UNC13C: variants seen among roughly 807,000 people sequenced by gnomAD.
UNC13C encodes protein unc-13 homolog C.
Under a neutral mutation model 245.4 loss-of-function variants are expected in UNC13C, and 174 were observed. That is an observed-to-expected ratio of 0.71 (90% confidence interval 0.63 to 0.80). UNC13C has a LOEUF of 0.80. UNC13C is among the 30% of genes least tolerant of loss of function. The pLI is 0.00. For synonymous variants in UNC13C, 992 were observed against 895.1 expected (o/e 1.11, Z -1.93); for missense variants, 2,829 against 2,602.9 (o/e 1.09, Z -1.89).
At position 54,014,509 on chromosome 15, in the gene UNC13C, C is replaced by T. The variant is rs1895544565; in HGVS notation, c.1606C>T (p.His536Tyr). 3 of 1,613,836 alleles carry T rather than the reference C, an allele frequency of 1.9e-6. No individual in the cohort carries two copies. The highest frequency in any genetic ancestry group is 2.5e-6 in the Non-Finnish European group (3 of 1,179,842). Residue 536 changes from histidine to tyrosine, a missense_variant, in exon 2 of 33, where the codon CAC becomes TAC. His to Tyr is a moderately conservative substitution (Grantham distance 83). Transcript: ENST00000260323. ...THYADATPLW[H>Y]SQSDFFTAKL... The stretch of plus-strand genomic sequence containing the variant: ...TTATGCAGATGCAACACCTCTCTGG[C>T]ACTCACAGAGTGATTTTTTCACTGC...
chr15:53,901,409 A>G, the UNC13C span, among the ~76,000 whole-genome samples: 1 of 148,582 alleles, frequency 6.7e-6, no homozygotes, highest in East Asian at 2.0e-4. Flanking sequence ...TTTTTTTTGT[A>G]GAGATGGGGT....
chr15:54,455,376 A>T (rs1891461583), intron 19 of UNC13C, among the ~76,000 whole-genome samples: 1 of 150,970 alleles, frequency 6.6e-6, no homozygotes, highest in Non-Finnish European at 1.5e-5. Flanking sequence ...GTAGATACCC[A>T]GTAGACGGAT....
intron 28 of UNC13C, among the ~76,000 whole-genome samples, chr15:54,553,849 A>G (rs528910319): frequency 6.6e-6 from 1 of 152,074 alleles, no homozygotes; most frequent in South Asian, 2.1e-4. Flanking sequence ...TGATGAAGCC[A>G]GATAAATTTA....
chr15:54,598,860 CG>C (rs1049222280), intron 30 of UNC13C, among the ~76,000 whole-genome samples: 16 of 152,024 alleles, frequency 1.1e-4, no homozygotes, highest in Non-Finnish European at 4.4e-5. Context: ...GGCACAAATA[CG>C]TATTTGACAA....
intron 2 of UNC13C, among the ~76,000 whole-genome samples, chr15:54,080,006 G>GTT (rs3985784): frequency 0.045 from 5,800 of 129,894 alleles, 293 homozygotes; most frequent in East Asian, 0.21. Context: ...TTGTCGAGCG[G>GTT]TTTTTTTTTT....
At chr15:54,186,328 G>A (rs1007059408) in intron 4 of UNC13C, among the ~76,000 whole-genome samples, 2 of 152,120 alleles carry the variant, frequency 1.3e-5, no homozygotes, top group African/African-American at 2.4e-5. Context: ...TGGTGAGAGA[G>A]GGCATCCCTG....
intron 10 of UNC13C, among the ~76,000 whole-genome samples, chr15:54,277,082 A>G (rs1429230373): frequency 6.6e-6 from 1 of 152,118 alleles, no homozygotes; most frequent in African/African-American, 2.4e-5. Flanking sequence ...TTTCTTCCAA[A>G]TAATTCCAAA....
At chr15:54,532,628 C>T (rs1315364557) in intron 25 of UNC13C, among the ~76,000 whole-genome samples, 1 of 151,030 alleles carries the variant, frequency 6.6e-6, no homozygotes, top group Non-Finnish European at 1.5e-5. Flanking sequence ...TTTTCCCAAA[C>T]CGTGCTCAGA....
intron 14 of UNC13C, among the ~76,000 whole-genome samples, chr15:54,327,417 CAT>C (rs1307138352): frequency 5.3e-5 from 8 of 151,346 alleles, no homozygotes; most frequent in Non-Finnish European, 1.2e-4. Flanking sequence ...GCTGAGTTGA[CAT>C]ATTTTTTAAT....
intron 23 of UNC13C, among the ~76,000 whole-genome samples, chr15:54,507,418 C>T (rs886940433): frequency 6.6e-6 from 1 of 151,910 alleles, no homozygotes; most frequent in Non-Finnish European, 1.5e-5. Context: ...TGTGGTTTTC[C>T]ATGTAGATAA....
At chr15:53,886,719 T>C in the UNC13C span, among the ~76,000 whole-genome samples, 7 of 152,128 alleles carry the variant, frequency 4.6e-5, no homozygotes, top group Admixed American at 4.6e-4. Context: ...TGGAGAAAAC[T>C]GATAAACATT....
At chr15:54,437,017 T>A (rs914145394) in intron 19 of UNC13C, among the ~76,000 whole-genome samples, 1 of 151,924 alleles carries the variant, frequency 6.6e-6, no homozygotes, top group Non-Finnish European at 1.5e-5. Flanking sequence ...CCTGCAAAAT[T>A]TGAAATTTAC....
the UNC13C span, among the ~76,000 whole-genome samples, chr15:53,968,508 G>A: frequency 6.6e-6 from 1 of 152,262 alleles, no homozygotes; most frequent in Admixed American, 6.5e-5. Context: ...ACAAAGGAAA[G>A]GGGGTTCTTA....
intron 30 of UNC13C, among the ~76,000 whole-genome samples, chr15:54,615,370 T>C (rs1900362456): frequency 6.6e-6 from 1 of 152,006 alleles, no homozygotes; most frequent in African/African-American, 2.4e-5. Flanking sequence ...GGATGCATAG[T>C]CCCATGACTG....
At chr15:54,314,309 A>G (rs2037953985) in intron 13 of UNC13C, among the ~76,000 whole-genome samples, 1 of 151,820 alleles carries the variant, frequency 6.6e-6, no homozygotes, top group Admixed American at 6.6e-5. Flanking sequence ...TTTTCTCACC[A>G]CAAAAAAAGA....
the UNC13C span, among the ~76,000 whole-genome samples, chr15:53,917,068 T>C: frequency 0.99 from 150,315 of 152,370 alleles, 74,175 homozygotes; most frequent in Middle Eastern, 1. Flanking sequence ...TTTGCTTATT[T>C]ATTTATGTTT....
intron 17 of UNC13C, among the ~76,000 whole-genome samples, chr15:54,391,585 ATACT>A (rs1213201081): frequency 2.0e-5 from 3 of 152,054 alleles, no homozygotes; most frequent in Non-Finnish European, 4.4e-5. Context: ...TCATATATAC[ATACT>A]TCTTAAAATC....
At chr15:54,349,324 C>T (rs1192828161) in intron 17 of UNC13C, among the ~76,000 whole-genome samples, 3 of 151,350 alleles carry the variant, frequency 2.0e-5, no homozygotes, top group African/African-American at 7.3e-5. Context: ...TGAAAAATGA[C>T]TAGCCAGTTA....
At chr15:54,351,927 T>C (rs889681564) in intron 17 of UNC13C, among the ~76,000 whole-genome samples, 2 of 152,004 alleles carry the variant, frequency 1.3e-5, no homozygotes, top group African/African-American at 2.4e-5. Flanking sequence ...TCAGAGGTAG[T>C]AGAACTCTGA....
Sources: allele counts gnomAD v4.1 joint callset (sites outside exome capture counted in the v4.1 genomes callset), GRCh38; gene constraint gnomAD v4.1.1; transcripts MANE v1.5; gene names NCBI Gene and HGNC (gene_info 2026-07-23, HGNC 2026-07-21).